The following MBOAT1 variants were observed in gnomAD, a reference collection of about 807,000 sequenced individuals.
MBOAT1 encodes membrane bound glycerophospholipid O-acyltransferase 1, also known as membrane-bound glycerophospholipid O-acyltransferase 1.
Under a neutral mutation model 64.4 loss-of-function variants are expected in MBOAT1, and 67 were observed. The observed-to-expected ratio is 1.04, with a 90% CI of 0.85 to 1.27. The LOEUF (loss-of-function observed/expected upper bound fraction) is 1.27, where lower values mean the gene tolerates loss of function less well. MBOAT1 is among the 50% of genes most tolerant of loss of function. The pLI, the probability that MBOAT1 is intolerant of heterozygous loss-of-function variation, is 0.00. For synonymous variants in MBOAT1, 229 were observed against 218.9 expected (o/e 1.05, Z -0.41); for missense variants, 563 against 604.6 (o/e 0.93, Z 0.72).
In MBOAT1 at chr6:20,124,608, T is replaced by TG; in HGVS notation, c.715-9dup. The stretch of plus-strand genomic sequence containing the variant: ...CTTGTGTATCACAGCTCCCTGAAAA[T>TG]GGGGAAAAATCAGTGTCACCGTGCA... On this transcript the variant is annotated splice_polypyrimidine_tract_variant and intron_variant, in intron 7 of 12. Transcript: ENST00000324607. 4 of 1,613,036 alleles carry TG rather than the reference T, an allele frequency of 2.5e-6. No homozygotes were observed. Among genetic ancestry groups the TG allele is most frequent in the Non-Finnish European group, 2.5e-6 (3 of 1,179,526 alleles).
intron 1 of MBOAT1, among the ~76,000 whole-genome samples, chr6:20,193,896 C>A (rs74924137): frequency 6.6e-6 from 1 of 152,212 alleles, no homozygotes; most frequent in African/African-American, 2.4e-5. Context: ...TGAGCCACTG[C>A]GCCCAGCCAA....
rs139820305 is a variant in MBOAT1, at chr6:20,187,001, G to T, written c.99+25135C>A. ...GTTTATTGCAAAGTTAAACTTATTG[G>T]GATAAAAATAACCTTTTATGTTTAT... On this transcript the variant is annotated intron_variant, in intron 1 of 12. Coordinates refer to ENST00000324607, the MANE Select transcript of MBOAT1 (RefSeq NM_001080480.3). Among the ~76,000 whole-genome samples the T allele has an allele frequency of 2.0e-4, 30 of 152,248 alleles. No individual in the cohort carries two copies. The East Asian group carries it at 5.6e-3, about 28-fold the overall frequency.
At chr6:20,150,418 T>C (rs1420843884) in intron 3 of MBOAT1, among the ~76,000 whole-genome samples, 1 of 152,168 alleles carries the variant, frequency 6.6e-6, no homozygotes, top group Non-Finnish European at 1.5e-5. Flanking sequence ...CCATCCCAGT[T>C]AACTTGTGAG....
chr6:20,205,039 A>G (rs969706497), intron 1 of MBOAT1, among the ~76,000 whole-genome samples: 1 of 152,150 alleles, frequency 6.6e-6, no homozygotes, highest in East Asian at 1.9e-4. Context: ...TCTATAAAAA[A>G]TACAAAAAAA....
chr6:20,178,135 C>G (rs1344386710), intron 1 of MBOAT1, among the ~76,000 whole-genome samples: 1 of 152,188 alleles, frequency 6.6e-6, no homozygotes, highest in Non-Finnish European at 1.5e-5. Flanking sequence ...TAGCCCTATA[C>G]AGTATACAAT....
At chr6:20,174,589 A>C (rs1237915698) in intron 1 of MBOAT1, among the ~76,000 whole-genome samples, 1 of 152,200 alleles carries the variant, frequency 6.6e-6, no homozygotes, top group Non-Finnish European at 1.5e-5. Context: ...CTAGGACATG[A>C]GTGTACACTT....
chr6:20,175,065 T>C (rs1762302342), intron 1 of MBOAT1, among the ~76,000 whole-genome samples: 3 of 152,128 alleles, frequency 2.0e-5, no homozygotes, highest in Non-Finnish European at 4.4e-5. Flanking sequence ...GAATGAAGAC[T>C]TCTGCAAGCA....
At chr6:20,157,443 G>A (rs1471388977) in intron 1 of MBOAT1, among the ~76,000 whole-genome samples, 3 of 152,120 alleles carry the variant, frequency 2.0e-5, no homozygotes, top group Non-Finnish European at 1.5e-5. Flanking sequence ...CGTGTAAAAT[G>A]GAATACGACT....
At chr6:20,189,054 A>G (rs1170579323) in intron 1 of MBOAT1, among the ~76,000 whole-genome samples, 2 of 152,138 alleles carry the variant, frequency 1.3e-5, no homozygotes, top group Non-Finnish European at 2.9e-5. Context: ...AGAGCCCAGG[A>G]ACCCATGTGT....
intron 10 of MBOAT1, among the ~76,000 whole-genome samples, chr6:20,114,771 C>A (rs1046276458): frequency 2.0e-5 from 3 of 151,812 alleles, no homozygotes; most frequent in Non-Finnish European, 4.4e-5. Flanking sequence ...GTAATCCCAG[C>A]TACTCGGGAG....
chr6:20,131,263 C>T (rs927465895), intron 4 of MBOAT1, 64 bp from the exon 5 acceptor site: 54 of 1,425,542 alleles, frequency 3.8e-5, no homozygotes, highest in Non-Finnish European at 5.0e-5. Context: ...CTGGCTGTGC[C>T]CCCACCCAAA....
At position 20,126,725 on chromosome 6, in the gene MBOAT1, GAA is replaced by G. The variant is rs779039929; in HGVS notation, c.531-27_531-26del. ...TCTGTGAAAATAAAGTAAATAAATTGAAAAGTCTTCAGTCTTTGCTTTTTCTT... is the reference window on the plus strand; with the variant it reads ...TCTGTGAAAATAAAGTAAATAAATTGAAGTCTTCAGTCTTTGCTTTTTCTT... On this transcript the variant is annotated intron_variant, in intron 6 of 12. Coordinates refer to ENST00000324607, the MANE Select transcript of MBOAT1 (RefSeq NM_001080480.3). 2.9e-5 allele frequency: 45 copies of G among 1,551,238 alleles called. No homozygotes were observed. In the African/African-American group the frequency reaches 5.9e-4, roughly 20 times the overall value.
chr6:20,205,765 C>A (rs868214286), intron 1 of MBOAT1, among the ~76,000 whole-genome samples: 18 of 152,278 alleles, frequency 1.2e-4, no homozygotes, highest in South Asian at 2.1e-4. Context: ...AAGGCCCCCC[C>A]ACCCACCTGC....
At chr6:20,133,163 C>G (rs1295532697) in intron 4 of MBOAT1, among the ~76,000 whole-genome samples, 8 of 152,146 alleles carry the variant, frequency 5.3e-5, no homozygotes. Flanking sequence ...AACAAGATTG[C>G]TAATGTTGTA....
Position 20,152,711 on chromosome 6 carries a change from T to C in MBOAT1, c.158A>G (p.Tyr53Cys). 1.9e-6 allele frequency: 3 copies of C among 1,612,278 alleles called. No homozygotes were observed. The highest frequency in any genetic ancestry group is 2.2e-5 in the East Asian group (1 of 44,756). Residue 53 changes from tyrosine to cysteine, a missense_variant, in exon 2 of 13, where the codon TAC becomes TGC. Transcript: ENST00000324607. ...ALFAAFWFRI[Y>C]LRPGTTSSDV... The stretch of plus-strand genomic sequence containing the variant: ...AGAGCTGGTTGTACCAGGACGTAAG[T>C]AGATGCGAAACCAGAAAGCAGCAAA...
At chr6:20,124,659 C>T in intron 7 of MBOAT1, 59 bp from the exon 8 acceptor site, 1 of 1,527,424 alleles carries the variant, frequency 6.5e-7, no homozygotes, top group Non-Finnish European at 9.0e-7. Context: ...AAGAAAACAG[C>T]TTTGGAATGG....
At chr6:20,117,345 G>C (rs2113639740) in intron 9 of MBOAT1, among the ~76,000 whole-genome samples, 1 of 152,194 alleles carries the variant, frequency 6.6e-6, no homozygotes, top group African/African-American at 2.4e-5. Flanking sequence ...AGTTTACGTT[G>C]AATATATGAT....
At chr6:20,121,374 C>T (rs1202081066) in intron 8 of MBOAT1, among the ~76,000 whole-genome samples, 1 of 152,196 alleles carries the variant, frequency 6.6e-6, no homozygotes, top group African/African-American at 2.4e-5. Flanking sequence ...GCAATCTAAA[C>T]TGTAACAAAC....
chr6:20,184,621 A>G (rs1456408722), intron 1 of MBOAT1, among the ~76,000 whole-genome samples: 1 of 152,096 alleles, frequency 6.6e-6, no homozygotes, highest in African/African-American at 2.4e-5. Context: ...TGAACCATGG[A>G]GGACACAAAT....
Sources: allele counts gnomAD v4.1 joint callset (sites outside exome capture counted in the v4.1 genomes callset), GRCh38; gene constraint gnomAD v4.1.1; transcripts MANE v1.5; gene names NCBI Gene and HGNC (gene_info 2026-07-23, HGNC 2026-07-21).